Variants in DNAJA2 observed in about 807,000 individuals in gnomAD.
DNAJA2 encodes DnaJ heat shock protein family (Hsp40) member A2.
A neutral mutation model predicts 49.3 loss-of-function variants in DNAJA2; 6 were observed. The observed-to-expected ratio is 0.12, with a 90% confidence interval of 0.07 to 0.24. DNAJA2 has a LOEUF of 0.24. DNAJA2 is among the 10% of genes least tolerant of loss of function. DNAJA2 has a pLI of 1.00. For missense variants in DNAJA2, 347 were observed against 516.8 expected (o/e 0.67, Z 3.19); for synonymous variants, 160 against 172.7 (o/e 0.93, Z 0.58).
In DNAJA2 at chr16:46,971,877, AAAG is replaced by A. The variant is rs1258645184; in HGVS notation, c.138+16_138+18del. Reference sequence around the variant, plus strand: ...TTAAAGCTAAAACCCCCGGAATAAAAAAGGTGCAAATAACTTACTTTGTCTCCT... The same window carrying A: ...TTAAAGCTAAAACCCCCGGAATAAAAGTGCAAATAACTTACTTTGTCTCCT... On this transcript the variant is annotated intron_variant, in intron 2 of 8. Coordinates refer to ENST00000317089, the MANE Select transcript of DNAJA2 (RefSeq NM_005880.4). 3 of 1,600,674 alleles carry A rather than the reference AAAG, an allele frequency of 1.9e-6. No homozygotes were observed. In the African/African-American group the frequency reaches 4.0e-5, roughly 21 times the overall value.
rs1347479984 is a variant in DNAJA2 at position 46,955,892 on chromosome 16, A to C, written c.*1137T>G. On this transcript the variant is annotated 3_prime_UTR_variant, in exon 9 of 9. Coordinates refer to ENST00000317089, the MANE Select transcript of DNAJA2 (RefSeq NM_005880.4). ...TTATTTTTAGTTTGAAATATAAATA[A>C]CTACAACAATGCATATTTCAGTTGC... 1 of 152,288 alleles carries C rather than the reference A, an allele frequency of 6.6e-6. No individual in the cohort carries two copies. Among genetic ancestry groups the C allele is most frequent in the East Asian group, 1.9e-4 (1 of 5,188 alleles). 9.4% of individuals were successfully genotyped at this position (152,288 alleles called of 1,614,324 possible).
At position 46,963,529 on chromosome 16, in the gene DNAJA2, C is replaced by A. The variant is rs867189360; in HGVS notation, c.774+1082G>T. Among the ~76,000 whole-genome samples the A allele has an allele frequency of 3.4e-4, 51 of 147,882 alleles. 1 individual carries two copies. The Middle Eastern group carries it at 0.017, about 50-fold the overall frequency. On this transcript the variant is annotated intron_variant, in intron 6 of 8. Transcript: ENST00000317089. Reference sequence around the variant, plus strand: ...ACTAAAAATACAAAAAAAAAAAAAACCCCAAAAAACAAACAAACAAAAAAA... The same window carrying A: ...ACTAAAAATACAAAAAAAAAAAAAAACCCAAAAAACAAACAAACAAAAAAA...
Position 46,957,123 on chromosome 16 carries a change from G to A in DNAJA2, c.1145C>T (p.Ser382Leu). The change falls in exon 9 of 9, where the codon TCA (serine) becomes TTA (leucine). Residue 382 changes from serine (S) to leucine (L), a missense_variant. Ser to Leu is a moderately radical substitution (Grantham distance 145). Coordinates refer to ENST00000317089, the MANE Select transcript of DNAJA2 (RefSeq NM_005880.4). ...ELQEFDSTRGSGGGQRREAYN... is the reference protein window; with the variant it reads ...ELQEFDSTRGLGGGQRREAYN... ...GGCTTCACGCCTCTGACCACCTCCTGAGCCTCGAGTGCTATCAAATTCCTG... is the reference window on the plus strand; with the variant it reads ...GGCTTCACGCCTCTGACCACCTCCTAAGCCTCGAGTGCTATCAAATTCCTG... 1.9e-6 allele frequency: 3 copies of A among 1,614,130 alleles called. No homozygotes were observed. The highest frequency in any genetic ancestry group is 1.3e-5 in the African/African-American group (1 of 75,016).
Position 46,959,135 on chromosome 16 carries a change from T to C in DNAJA2, c.920-5A>G. 6.3e-7 allele frequency: 1 copy of C among 1,593,480 alleles called. No homozygotes were observed. The highest frequency in any genetic ancestry group is 8.5e-7 in the Non-Finnish European group (1 of 1,169,958). On this transcript the variant is annotated splice_region_variant and splice_polypyrimidine_tract_variant and intron_variant, in intron 7 of 8. Transcript: ENST00000317089. ...CTCGAACTACACGAACACACCCTAT[T>C]ATTTAAGAGGAAATGATTAATAATT... is the stretch of plus-strand genomic sequence containing the variant.
intron 2 of DNAJA2, 130 bp downstream of exon 2, chr16:46,971,766 T>C (rs113133090): frequency 1.0e-6 from 1 of 959,872 alleles, no homozygotes; most frequent in Non-Finnish European, 1.6e-6. Flanking sequence ...ACTAAAATAC[T>C]CTTGACATTA....
At chr16:46,965,832 CAAA>C (rs765934380) in intron 5 of DNAJA2, among the ~76,000 whole-genome samples, 15 of 55,666 alleles carry the variant, frequency 2.7e-4, no homozygotes, top group East Asian at 8.1e-4. Context: ...CTCCGTCTCA[CAAA>C]AAAAAAAAAA....
intron 6 of DNAJA2, among the ~76,000 whole-genome samples, chr16:46,959,861 A>C (rs905934793): frequency 6.6e-6 from 1 of 152,242 alleles, no homozygotes; most frequent in African/African-American, 2.4e-5. Flanking sequence ...TCAACCAGTT[A>C]ACACCCAGCC....
At chr16:46,961,135 G>A (rs942108443) in intron 6 of DNAJA2, among the ~76,000 whole-genome samples, 2 of 152,100 alleles carry the variant, frequency 1.3e-5, no homozygotes, top group Non-Finnish European at 2.9e-5. Context: ...AGTGGCTCAT[G>A]CCTATAATCC....
chr16:46,967,852 T>G (rs1243031812), intron 4 of DNAJA2, among the ~76,000 whole-genome samples: 2 of 152,150 alleles, frequency 1.3e-5, no homozygotes, highest in East Asian at 3.9e-4. Context: ...CAGGCTGGAG[T>G]GCAGTGGCGC....
chr16:46,970,141 A>G (rs1465855988), intron 3 of DNAJA2, among the ~76,000 whole-genome samples: 1 of 152,270 alleles, frequency 6.6e-6, no homozygotes, highest in Non-Finnish European at 1.5e-5. Context: ...GACATTTGCT[A>G]ATAAAATCAT....
rs1457625363 is a variant in DNAJA2, at chr16:46,973,533, C to T, written c.40G>A (p.Gly14Ser). The T allele has an allele frequency of 6.2e-7, 1 of 1,603,038 alleles. No homozygotes were observed. The highest frequency in any genetic ancestry group is 1.1e-5 in the South Asian group (1 of 89,984). Reference protein sequence around the residue: ...VADTKLYDILGVPPGASENEL... With the variant: ...VADTKLYDILSVPPGASENEL... ...TTCTCGCTGGCGCCGGGCGGGACGC[C>T]CAGGATGTCGTACAGCTTCGTGTCA... Residue 14 changes from glycine (G) to serine (S), a missense_variant, in exon 1 of 9, where the codon GGC becomes AGC. Gly to Ser is a moderately conservative substitution (Grantham distance 56, BLOSUM62 0). Transcript: ENST00000317089.
chr16:46,972,956 C>G (rs889717757), intron 1 of DNAJA2: 1 of 152,234 alleles, frequency 6.6e-6, no homozygotes, highest in Non-Finnish European at 1.5e-5. Flanking sequence ...GAGGAGCTCC[C>G]GCAGCCGGCG....
chr16:46,971,930 T>G lies in DNAJA2; in HGVS notation c.104A>C (p.Tyr35Ser). The G allele has an allele frequency of 6.2e-7, 1 of 1,613,106 alleles. No homozygotes were observed. Among genetic ancestry groups the G allele is most frequent in the Non-Finnish European group, 8.5e-7 (1 of 1,179,276 alleles). Residue 35 changes from tyrosine (Y) to serine (S), a missense_variant, in exon 2 of 9, where the codon TAT (tyrosine) becomes TCT (serine). By Grantham distance (144) the Tyr-to-Ser change is moderately radical. Transcript: ENST00000317089. The part of the protein sequence containing the change: ...KKAYRKLAKE[Y>S]HPDKNPNAGD... The stretch of plus-strand genomic sequence containing the variant: ...TGCATTTGGATTCTTATCAGGATGA[T>G]ATTCCTTGGCTAACTTTCTGTATGC...
In DNAJA2 at chr16:46,957,181, T is replaced by C. The variant is rs1409372001; in HGVS notation, c.1087A>G (p.Asn363Asp). The C allele has an allele frequency of 3.7e-5, 60 of 1,613,184 alleles. No homozygotes were observed. The highest frequency in any genetic ancestry group is 4.7e-5 in the Non-Finnish European group (55 of 1,179,636). ...DLLPSRPEVP[N>D]IIGETEEVEL... Reference sequence around the variant, plus strand: ...ACCTCCTCTGTTTCTCCAATTATGTTAGGAACTTCCGGTCTAGATGGCAGA... The same window carrying C: ...ACCTCCTCTGTTTCTCCAATTATGTCAGGAACTTCCGGTCTAGATGGCAGA... The change falls in exon 9 of 9, where the codon AAC (asparagine) becomes GAC (aspartate). Residue 363 changes from asparagine to aspartate, a missense_variant. Transcript: ENST00000317089.
intron 6 of DNAJA2, among the ~76,000 whole-genome samples, chr16:46,963,675 G>C (rs927970356): frequency 6.6e-6 from 1 of 152,044 alleles, no homozygotes; most frequent in Non-Finnish European, 1.5e-5. Context: ...ACTCCAGCCA[G>C]GGCGACAGAG....
chr16:46,961,003 T>C (rs1276996262), intron 6 of DNAJA2, among the ~76,000 whole-genome samples: 1 of 151,854 alleles, frequency 6.6e-6, no homozygotes, highest in Non-Finnish European at 1.5e-5. Context: ...GGACATCCTG[T>C]CTCTTAAACA....
chr16:46,958,936 TCTAAAAAA>T (rs2143641140), intron 8 of DNAJA2, 59 bp downstream of exon 8: 1 of 1,528,982 alleles, frequency 6.5e-7, no homozygotes, highest in South Asian at 1.3e-5. Context: ...AGAGACCCTG[TCTAAAAAA>T]CCAAAAACCG....
intron 8 of DNAJA2, chr16:46,958,718 A>C (rs1961852428): frequency 7.4e-6 from 2 of 269,134 alleles, no homozygotes; most frequent in East Asian, 6.8e-5. Context: ...GGCGGGGGGT[A>C]CAGTGAGCCG....
intron 6 of DNAJA2, among the ~76,000 whole-genome samples, chr16:46,962,974 T>C (rs2143647724): frequency 6.6e-6 from 1 of 152,318 alleles, no homozygotes; most frequent in Non-Finnish European, 1.5e-5. Context: ...TTTGAAGAAA[T>C]GATCACCACA....
Sources: gnomAD v4.1 joint callset for allele counts (sites outside exome capture counted in the v4.1 genomes callset) on GRCh38, gnomAD v4.1.1 for gene constraint, MANE v1.5 for transcripts, NCBI Gene and HGNC (gene_info 2026-07-23, HGNC 2026-07-21) for gene names.